Variants in TMTC1 observed in about 807,000 individuals in gnomAD.
TMTC1 encodes the protein transmembrane O-mannosyltransferase targeting cadherins 1, also known as protein O-mannosyl-transferase TMTC1.
A neutral mutation model predicts 104.8 loss-of-function variants in TMTC1; 73 were observed. The observed-to-expected ratio is 0.70, with a 90% CI of 0.58 to 0.85. The LOEUF is 0.85. Among genes scored for constraint, TMTC1 ranks in the 40% least tolerant of loss-of-function variants. The probability of loss-of-function intolerance (pLI) is 0.00; values close to 1 mark genes in which losing one functional copy is unlikely to be tolerated. For synonymous variants in TMTC1, 434 were observed against 428.7 expected (o/e 1.01, Z -0.15); for missense variants, 1,035 against 1,096.1 (o/e 0.94, Z 0.79).
chr12:29,691,903 C>T (rs1941279935), intron 5 of TMTC1, among the ~76,000 whole-genome samples: 2 of 144,270 alleles, frequency 1.4e-5, no homozygotes, highest in Admixed American at 1.4e-4. Flanking sequence ...CGCACATCAC[C>T]TCTGTAAAAG....
chr12:29,568,882 TTCTCCAGGGTAACCGAACAGTCG>T (rs1450683046), intron 9 of TMTC1: 28 of 455,782 alleles, frequency 6.1e-5, no homozygotes, highest in African/African-American at 4.6e-4. Flanking sequence ...GTTAGAAACC[TTCTCCAGGGTAACCGAACAGTCG>T]GAGAGCTCTG....
chr12:29,758,645 C>T, intron 3 of TMTC1, 59 bp downstream of exon 3: 1 of 1,510,458 alleles, frequency 6.6e-7, no homozygotes, highest in Non-Finnish European at 9.2e-7. Flanking sequence ...CACATGCTCC[C>T]AGTCTACACA....
chr12:29,602,252 C>T (rs989625671), intron 7 of TMTC1, among the ~76,000 whole-genome samples: 11 of 152,282 alleles, frequency 7.2e-5, no homozygotes, highest in African/African-American at 2.6e-4. Flanking sequence ...AAGAGATCCC[C>T]CACCTTAGTC....
chr12:29,678,667 A>G (rs1940811636), intron 5 of TMTC1, among the ~76,000 whole-genome samples: 1 of 152,218 alleles, frequency 6.6e-6, no homozygotes, highest in African/African-American at 2.4e-5. Flanking sequence ...TAACTAGTGG[A>G]GATGCCAATA....
At chr12:29,648,230 A>T (rs929986419) in intron 5 of TMTC1, among the ~76,000 whole-genome samples, 4 of 152,012 alleles carry the variant, frequency 2.6e-5, no homozygotes, top group Non-Finnish European at 5.9e-5. Context: ...GGACTTCAGA[A>T]CTCATACTTT....
At chr12:29,769,337 G>A (rs1342430704) in intron 1 of TMTC1, among the ~76,000 whole-genome samples, 1 of 152,016 alleles carries the variant, frequency 6.6e-6, no homozygotes, top group Non-Finnish European at 1.5e-5. Flanking sequence ...CCAACTCCAG[G>A]GCTCTGATGC....
rs1944116802 is a variant in TMTC1, at chr12:29,520,467, A to G, written c.1888+151T>C. On this transcript the variant is annotated intron_variant, in intron 12 of 17. Coordinates refer to ENST00000539277, the MANE Select transcript of TMTC1 (RefSeq NM_001193451.2). ...GAATCGAGCTTGAAGATCTAGAGAAATGACAGCCCCGAGGTATAATGACTG... is the reference window on the plus strand; with the variant it reads ...GAATCGAGCTTGAAGATCTAGAGAAGTGACAGCCCCGAGGTATAATGACTG... The G allele has an allele frequency of 4.5e-6, 3 of 659,914 alleles. No individual in the cohort carries two copies. The South Asian group carries it at 5.6e-5, about 12-fold the overall frequency. The allele number at this position is 659,914 out of a possible 1,614,324, so 40.9% of individuals were successfully genotyped here.
At chr12:29,741,492 T>C (rs752528530) in intron 5 of TMTC1, among the ~76,000 whole-genome samples, 10 of 152,186 alleles carry the variant, frequency 6.6e-5, no homozygotes, top group Non-Finnish European at 1.3e-4. Flanking sequence ...TGTCACTTCA[T>C]GGATAAGAAA....
intron 10 of TMTC1, among the ~76,000 whole-genome samples, chr12:29,539,709 G>A (rs1944743374): frequency 6.6e-6 from 1 of 152,312 alleles, no homozygotes; most frequent in Middle Eastern, 3.4e-3. Context: ...TTAGTGCTCT[G>A]AGGCTTGGCC....
At chr12:29,706,762 G>A (rs1395577881) in intron 5 of TMTC1, among the ~76,000 whole-genome samples, 1 of 152,122 alleles carries the variant, frequency 6.6e-6, no homozygotes, top group Non-Finnish European at 1.5e-5. Flanking sequence ...GCCATTCAAT[G>A]TGGGTATTTT....
intron 15 of TMTC1, 147 bp from the exon 16 acceptor site, chr12:29,514,751 G>T: frequency 1.2e-6 from 1 of 820,352 alleles, no homozygotes; most frequent in Non-Finnish European, 1.8e-6. Context: ...AGGCGTAGTG[G>T]CTAATGGCTG....
At chr12:29,564,942 G>T (rs1186884007) in intron 9 of TMTC1, among the ~76,000 whole-genome samples, 1 of 152,154 alleles carries the variant, frequency 6.6e-6, no homozygotes, top group East Asian at 1.9e-4. Flanking sequence ...GAGCAGAAAA[G>T]AAGAGATCAG....
intron 11 of TMTC1, among the ~76,000 whole-genome samples, chr12:29,530,692 G>A (rs918746179): frequency 6.6e-6 from 1 of 152,048 alleles, no homozygotes; most frequent in Admixed American, 6.5e-5. Context: ...TGCTTTCTGC[G>A]GGAGGCTATG....
intron 6 of TMTC1, among the ~76,000 whole-genome samples, chr12:29,611,799 A>G (rs1008034264): frequency 6.6e-6 from 1 of 152,222 alleles, no homozygotes; most frequent in African/African-American, 2.4e-5. Context: ...TTTCACACAG[A>G]TGGGGCAGGG....
rs567102537 is a variant in TMTC1 at position 29,662,081 on chromosome 12, G to A, written c.939-28745C>T. On this transcript the variant is annotated intron_variant, in intron 5 of 17. Coordinates refer to ENST00000539277, the MANE Select transcript of TMTC1 (RefSeq NM_001193451.2). ...TTCACCTACATGCAAAATTCTACACGGAAAATACAGAATGGAGGGGGAAAA... is the reference window on the plus strand; with the variant it reads ...TTCACCTACATGCAAAATTCTACACAGAAAATACAGAATGGAGGGGGAAAA... Among the ~76,000 whole-genome samples the A allele has an allele frequency of 6.0e-4, 91 of 152,218 alleles. 1 individual carries two copies. The highest frequency in any genetic ancestry group is 1.9e-3 in the African/African-American group (77 of 41,518).
At chr12:29,533,577 G>A (rs559924019) in intron 11 of TMTC1, 1 of 152,316 alleles carries the variant, frequency 6.6e-6, no homozygotes, top group East Asian at 1.9e-4. Flanking sequence ...GCTTGAATAA[G>A]TTTACCCAAA....
chr12:29,596,840 T>C (rs1946417240), intron 7 of TMTC1, among the ~76,000 whole-genome samples: 1 of 152,246 alleles, frequency 6.6e-6, no homozygotes, highest in African/African-American at 2.4e-5. Flanking sequence ...TCTTGTGACT[T>C]GGCCTCAACA....
intron 5 of TMTC1, among the ~76,000 whole-genome samples, chr12:29,716,416 G>T (rs1410275478): frequency 6.6e-6 from 1 of 152,020 alleles, no homozygotes; most frequent in Non-Finnish European, 1.5e-5. Flanking sequence ...ATTTACTCAG[G>T]CTCCAGAGTA....
At chr12:29,642,060 T>C (rs1316906306) in intron 5 of TMTC1, among the ~76,000 whole-genome samples, 5 of 151,814 alleles carry the variant, frequency 3.3e-5, no homozygotes, top group African/African-American at 1.2e-4. Flanking sequence ...AATAAGAAAA[T>C]ATGAACAAAG....
Sources: gnomAD v4.1 joint callset for allele counts (sites outside exome capture counted in the v4.1 genomes callset) on GRCh38, gnomAD v4.1.1 for gene constraint, MANE v1.5 for transcripts, NCBI Gene and HGNC (gene_info 2026-07-23, HGNC 2026-07-21) for gene names.